Variants in GATB observed in about 807,000 individuals in gnomAD.
GATB encodes the protein glutamyl-tRNA amidotransferase subunit B, also known as glutamyl-tRNA(Gln) amidotransferase subunit B, mitochondrial.
A neutral mutation model predicts 62.3 loss-of-function variants in GATB; 39 were observed. The observed-to-expected ratio is 0.63, with a 90% confidence interval of 0.48 to 0.82. GATB has a LOEUF of 0.82. Among genes scored for constraint, GATB ranks in the 40% least tolerant of loss-of-function variants. The probability of loss-of-function intolerance (pLI) is 0.00; values close to 1 mark genes in which losing one functional copy is unlikely to be tolerated. For missense variants in GATB, 670 were observed against 684.0 expected (o/e 0.98, Z 0.23); for synonymous variants, 276 against 258.9 (o/e 1.07, Z -0.63).
At chr4:151,690,179 T>G (rs565060210) in intron 9 of GATB, among the ~76,000 whole-genome samples, 1 of 152,344 alleles carries the variant, frequency 6.6e-6, no homozygotes, top group East Asian at 1.9e-4. Flanking sequence ...GCTCTCCAAG[T>G]GTAGCTATTG....
chr4:151,710,515 G>A (rs771889582), intron 5 of GATB, among the ~76,000 whole-genome samples: 2 of 151,982 alleles, frequency 1.3e-5, no homozygotes, highest in African/African-American at 2.4e-5. Flanking sequence ...CTTAACCCAC[G>A]TCAGCCTAGC....
intron 10 of GATB, among the ~76,000 whole-genome samples, chr4:151,687,819 G>A (rs1230180351): frequency 2.0e-5 from 3 of 152,148 alleles, no homozygotes; most frequent in Non-Finnish European, 2.9e-5. Context: ...CTTCACCCAG[G>A]AATGCATCAG....
chr4:151,734,671 T>G (rs1739334666), intron 2 of GATB, among the ~76,000 whole-genome samples: 1 of 152,162 alleles, frequency 6.6e-6, no homozygotes, highest in Non-Finnish European at 1.5e-5. Context: ...TCACACTACC[T>G]GATTTTAAAC....
intron 2 of GATB, among the ~76,000 whole-genome samples, chr4:151,731,460 A>C (rs370382421): frequency 2.0e-5 from 3 of 152,120 alleles, no homozygotes; most frequent in South Asian, 2.1e-4. Context: ...GATCTCGGCT[A>C]GCTACAACCT....
intron 2 of GATB, among the ~76,000 whole-genome samples, chr4:151,756,375 T>C (rs7669977): frequency 0.56 from 84,790 of 152,098 alleles, 25,071 homozygotes; most frequent in African/African-American, 0.77. Flanking sequence ...GGTTTTAGTG[T>C]ATTTTAAATC....
chr4:151,724,683 G>A (rs1039767534), intron 2 of GATB, among the ~76,000 whole-genome samples: 13 of 151,920 alleles, frequency 8.6e-5, no homozygotes, highest in African/African-American at 3.1e-4. Flanking sequence ...CTTAGTATCT[G>A]GCAAGACTTT....
intron 2 of GATB, among the ~76,000 whole-genome samples, chr4:151,744,178 A>G (rs1739550046): frequency 6.6e-6 from 1 of 152,220 alleles, no homozygotes; most frequent in Non-Finnish European, 1.5e-5. Context: ...AGAGACCCAT[A>G]AAGAAGTTTA....
At chr4:151,695,036 T>C (rs1049866104) in intron 9 of GATB, among the ~76,000 whole-genome samples, 6 of 152,204 alleles carry the variant, frequency 3.9e-5, no homozygotes, top group Non-Finnish European at 5.9e-5. Context: ...ATCCTGAGGC[T>C]GACTATAAAG....
At chr4:151,741,858 T>G (rs1739494454) in intron 2 of GATB, among the ~76,000 whole-genome samples, 1 of 152,232 alleles carries the variant, frequency 6.6e-6, no homozygotes, top group Non-Finnish European at 1.5e-5. Flanking sequence ...ATCATTTTAT[T>G]AAGGATGAAG....
At chr4:151,671,483 T>C (rs1253679848) in intron 12 of GATB, among the ~76,000 whole-genome samples, 181 bp from the exon 13 acceptor site, 2 of 152,192 alleles carry the variant, frequency 1.3e-5, no homozygotes, top group African/African-American at 4.8e-5. Flanking sequence ...TCTAGGCTCC[T>C]GTCAAAGGAG....
chr4:151,707,860 AC>A, intron 6 of GATB, 127 bp downstream of exon 6: 2 of 641,962 alleles, frequency 3.1e-6, no homozygotes, highest in Non-Finnish European at 2.8e-6. Context: ...CCGACACAGG[AC>A]CAACAGAACG....
chr4:151,747,348 G>T (rs896102967), intron 2 of GATB, among the ~76,000 whole-genome samples: 4 of 152,192 alleles, frequency 2.6e-5, no homozygotes, highest in African/African-American at 9.7e-5. Context: ...TTGCTGTGGA[G>T]GAGGCCAGCT....
At chr4:151,726,594 T>C (rs1739142484) in intron 2 of GATB, among the ~76,000 whole-genome samples, 1 of 152,194 alleles carries the variant, frequency 6.6e-6, no homozygotes. Context: ...AATCCCTCTT[T>C]CCCGAAGGGG....
chr4:151,678,305 A>G (rs948947693), intron 11 of GATB, among the ~76,000 whole-genome samples: 1 of 152,040 alleles, frequency 6.6e-6, no homozygotes, highest in South Asian at 2.1e-4. Flanking sequence ...AACATTTTCC[A>G]TTTCTTCTTA....
chr4:151,759,909 C>A (rs1739916745), intron 1 of GATB, among the ~76,000 whole-genome samples: 1 of 152,116 alleles, frequency 6.6e-6, no homozygotes, highest in Non-Finnish European at 1.5e-5. Flanking sequence ...TTTGGAAACA[C>A]AGCCCATAAG....
At position 151,719,427 on chromosome 4, in the gene GATB, G is replaced by A; in HGVS notation, c.439C>T (p.Pro147Ser). Residue 147 changes from proline (P) to serine (S), a missense_variant and splice_region_variant, in exon 3 of 13, where the codon CCT becomes TCT. Coordinates refer to ENST00000263985, the MANE Select transcript of GATB (RefSeq NM_004564.3). ...DRKHYFYADL[P>S]AGYQITQQRL... ...GGTGGATCACAAAGTGTACTTACAG[G>A]GAGGTCTGCATAGAAGTAGTGCTTC... 2 of 1,604,492 alleles carry A rather than the reference G, an allele frequency of 1.2e-6. No individual in the cohort carries two copies. The highest frequency in any genetic ancestry group is 1.1e-5 in the South Asian group (1 of 90,420).
At chr4:151,729,022 T>C (rs562074454) in intron 2 of GATB, among the ~76,000 whole-genome samples, 1 of 152,244 alleles carries the variant, frequency 6.6e-6, no homozygotes, top group South Asian at 2.1e-4. Flanking sequence ...GAGAAGTGAG[T>C]CTCTGGAAGA....
chr4:151,697,949 G>GTGTATATATATATATATATATATATATA (rs1560847636), intron 9 of GATB, among the ~76,000 whole-genome samples: 1 of 96,974 alleles, frequency 1.0e-5, no homozygotes, highest in African/African-American at 6.6e-5. Context: ...GTGTGTGTGT[G>GTGTATATATATATATATATATATATATA]TGTGTATATA....
chr4:151,702,751 G>A (rs183850948), intron 8 of GATB, among the ~76,000 whole-genome samples: 67 of 152,232 alleles, frequency 4.4e-4, no homozygotes, highest in Non-Finnish European at 6.3e-4. Context: ...CTCTGTTCTC[G>A]TCCAGCACTA....
Sources: allele counts gnomAD v4.1 joint callset (sites outside exome capture counted in the v4.1 genomes callset), GRCh38; gene constraint gnomAD v4.1.1; transcripts MANE v1.5; gene names NCBI Gene and HGNC (gene_info 2026-07-23, HGNC 2026-07-21).